Variants in CLMP observed in about 807,000 individuals in gnomAD.
The protein encoded by CLMP is CXADR like cell adhesion molecule.
CLMP carries 27 observed loss-of-function variants against 45.2 expected under a neutral mutation model. The observed-to-expected ratio is 0.60, with a 90% CI of 0.44 to 0.82. The LOEUF (loss-of-function observed/expected upper bound fraction) is 0.82, where lower values mean the gene tolerates loss of function less well. Among genes scored for constraint, CLMP ranks in the 40% least tolerant of loss-of-function variants. The pLI, the probability that CLMP is intolerant of heterozygous loss-of-function variation, is 0.00. For synonymous variants in CLMP, 167 were observed against 171.4 expected (o/e 0.97, Z 0.20); for missense variants, 403 against 448.4 (o/e 0.90, Z 0.91).
rs1275079001 is a variant in CLMP, at chr11:123,097,655, A to T, written c.186+140T>A. ...TACTCTTTCTTCTCTATAGTTTTGT[A>T]TCTAAAGTCTTTCAAGTAGAAGCCA... On this transcript the variant is annotated intron_variant, in intron 2 of 6. Transcript: ENST00000448775. 10 of 642,702 alleles carry T rather than the reference A, an allele frequency of 1.6e-5. No homozygotes were observed. The Admixed American group carries it at 3.2e-4, about 21-fold the overall frequency. 39.8% of individuals were successfully genotyped at this position (642,702 alleles called of 1,614,324 possible).
chr11:123,137,533 A>G (rs111889070), intron 1 of CLMP, among the ~76,000 whole-genome samples: 5,086 of 151,936 alleles, frequency 0.033, 254 homozygotes, highest in African/African-American at 0.11. Flanking sequence ...CCATCTGCTC[A>G]CTGTTTGCTT....
chr11:123,167,739 G>C (rs1333008752), intron 1 of CLMP, among the ~76,000 whole-genome samples: 2 of 152,190 alleles, frequency 1.3e-5, no homozygotes, highest in African/African-American at 2.4e-5. Context: ...CTCTGGGCTT[G>C]TAGTAGGAGT....
intron 1 of CLMP, among the ~76,000 whole-genome samples, chr11:123,106,384 TGTG>T (rs1309773354): frequency 2.4e-5 from 2 of 81,784 alleles, no homozygotes; most frequent in Non-Finnish European, 4.7e-5. Context: ...CTGTAGGAGG[TGTG>T]TGTGTGTGTG....
intron 1 of CLMP, among the ~76,000 whole-genome samples, chr11:123,169,839 T>C (rs887820504): frequency 3.3e-5 from 5 of 152,052 alleles, no homozygotes; most frequent in Non-Finnish European, 7.4e-5. Flanking sequence ...TGTTGGGGGG[T>C]TTGTGGGCGG....
At position 123,089,792 on chromosome 11, in the gene CLMP, A is replaced by AG. The variant is rs1319241873; in HGVS notation, c.187-5080_187-5079insC. 4.5e-3 allele frequency among the ~76,000 whole-genome samples: 480 copies of AG among 106,836 alleles called. 5 individuals are homozygous for AG. The highest frequency in any genetic ancestry group is 0.017 in the African/African-American group (462 of 26,952). The allele number at this position is 106,836 out of a possible 152,430, so 70.1% of individuals were successfully genotyped here. A position where few individuals can be genotyped will look rare whatever the true frequency, so the allele number is the denominator to read the frequency against. On this transcript the variant is annotated intron_variant, in intron 2 of 6. Coordinates refer to ENST00000448775, the MANE Select transcript of CLMP (RefSeq NM_024769.5). ...TCTCCATCTCAAAAAAAAAAAAAAA[A>AG]AGAAAAAGAAAAAGAAACAAAACAA...
chr11:123,118,978 T>C (rs1468421475), intron 1 of CLMP, among the ~76,000 whole-genome samples: 2 of 54,668 alleles, frequency 3.7e-5, no homozygotes, highest in Non-Finnish European at 6.8e-5. Context: ...TCTTTCTTTC[T>C]TTCTTTCTTT....
intron 1 of CLMP, among the ~76,000 whole-genome samples, chr11:123,152,047 G>A (rs780039624): frequency 3.9e-5 from 6 of 152,226 alleles, no homozygotes; most frequent in Non-Finnish European, 8.8e-5. Flanking sequence ...TGCTGGTAAA[G>A]CAATTTAAAC....
Position 123,089,595 on chromosome 11 carries a change from C to A in CLMP, c.187-4882G>T, listed in dbSNP as rs765027870. 4.3e-3 allele frequency among the ~76,000 whole-genome samples: 647 copies of A among 151,494 alleles called. 5 individuals are homozygous for A. Among genetic ancestry groups the A allele is most frequent in the Middle Eastern group, 6.9e-3 (2 of 290 alleles). ...CCTGGCTAACACGGTGAAACCCCGT[C>A]TCTACTAAAAATACAAAAAATTAGC... On this transcript the variant is annotated intron_variant, in intron 2 of 6. Transcript: ENST00000448775.
chr11:123,088,769 G>A (rs1000851804), intron 2 of CLMP, among the ~76,000 whole-genome samples: 1 of 152,118 alleles, frequency 6.6e-6, no homozygotes, highest in Non-Finnish European at 1.5e-5. Context: ...GGGATTACAG[G>A]CATTCACCAC....
intron 2 of CLMP, among the ~76,000 whole-genome samples, chr11:123,093,463 C>T (rs528628589): frequency 6.6e-6 from 1 of 152,228 alleles, no homozygotes; most frequent in Non-Finnish European, 1.5e-5. Flanking sequence ...TCTCCTGCCT[C>T]AGTCTCCCAA....
At chr11:123,089,200 C>T (rs980981586) in intron 2 of CLMP, among the ~76,000 whole-genome samples, 4 of 151,562 alleles carry the variant, frequency 2.6e-5, no homozygotes, top group Admixed American at 6.6e-5. Context: ...GCTTGGCCAA[C>T]GTGGTGAAAC....
rs1565397421 is a variant in CLMP at position 123,150,478 on chromosome 11, A to AGAAAGAAG, written c.28+44434_28+44435insCTTCTTTC. Among the ~76,000 whole-genome samples the AGAAAGAAG allele has an allele frequency of 3.7e-4, 38 of 103,748 alleles. 1 individual carries two copies. Among genetic ancestry groups the AGAAAGAAG allele is most frequent in the African/African-American group, 1.3e-3 (36 of 27,190 alleles). 68.1% of individuals were successfully genotyped at this position (103,748 alleles called of 152,430 possible). A position where few individuals can be genotyped will look rare whatever the true frequency, so the allele number is the denominator to read the frequency against. ...AAGAAAGAAAGAAAGAAAGAAAGAAAGAAAGGAAGGAAGGAAGGAAGGAAG... is the reference window on the plus strand; with the variant it reads ...AAGAAAGAAAGAAAGAAAGAAAGAAAGAAAGAAGGAAAGGAAGGAAGGAAGGAAGGAAG... On this transcript the variant is annotated intron_variant, in intron 1 of 6. Transcript: ENST00000448775.
intron 1 of CLMP, among the ~76,000 whole-genome samples, chr11:123,159,178 T>C (rs1416327171): frequency 6.6e-6 from 1 of 152,224 alleles, no homozygotes; most frequent in Admixed American, 6.5e-5. Context: ...ATACCTAAAA[T>C]GGTGTTTGGA....
At chr11:123,091,247 G>A (rs963606254) in intron 2 of CLMP, among the ~76,000 whole-genome samples, 4 of 152,128 alleles carry the variant, frequency 2.6e-5, no homozygotes, top group Non-Finnish European at 5.9e-5. Context: ...TGGGACCACA[G>A]GCGCATGCCA....
chr11:123,149,410 T>C (rs891136281), intron 1 of CLMP, among the ~76,000 whole-genome samples: 4 of 152,200 alleles, frequency 2.6e-5, no homozygotes, highest in Admixed American at 1.3e-4. Context: ...GATTTCTGGC[T>C]TTAGGCATGG....
chr11:123,084,573 G>C lies in CLMP; in HGVS notation c.327C>G (p.Tyr109Ter). ...EPLKPSDEGR[Y>*]TCKVKNSGRY... ...GCCCTGAATTCTTAACCTTACAGGT[G>C]TACCGGCCCTCATCACTGGGCTTCA... The change falls in exon 3 of 7, where the codon TAC becomes TAG. Residue 109 changes from tyrosine to a stop codon, truncating the protein, a stop_gained. Coordinates refer to ENST00000448775, the MANE Select transcript of CLMP (RefSeq NM_024769.5). LOFTEE classifies it high-confidence loss of function. 4 of 1,614,210 alleles carry C rather than the reference G, an allele frequency of 2.5e-6. No homozygotes were observed. Among genetic ancestry groups the C allele is most frequent in the Non-Finnish European group, 3.4e-6 (4 of 1,180,044 alleles).
intron 1 of CLMP, among the ~76,000 whole-genome samples, chr11:123,129,358 G>GCT (rs1860948241): frequency 1.7e-5 from 2 of 115,958 alleles, no homozygotes; most frequent in Non-Finnish European, 3.5e-5. Context: ...TATATCATAT[G>GCT]ATATATTATA....
chr11:123,126,105 CT>C (rs1238368925), intron 1 of CLMP, among the ~76,000 whole-genome samples: 4 of 152,216 alleles, frequency 2.6e-5, no homozygotes, highest in Non-Finnish European at 4.4e-5. Context: ...GAATATATTG[CT>C]TCGCCTGAAT....
chr11:123,131,514 C>T (rs1860987388), intron 1 of CLMP, among the ~76,000 whole-genome samples: 1 of 152,156 alleles, frequency 6.6e-6, no homozygotes, highest in Admixed American at 6.6e-5. Context: ...CTCTTAAATA[C>T]TGGGTTTCAA....
Sources: gnomAD v4.1 joint callset for allele counts (sites outside exome capture counted in the v4.1 genomes callset) on GRCh38, gnomAD v4.1.1 for gene constraint, MANE v1.5 for transcripts, NCBI Gene and HGNC (gene_info 2026-07-23, HGNC 2026-07-21) for gene names.